Variants in KCNH5 observed in about 807,000 individuals in gnomAD.
The protein encoded by KCNH5 is potassium voltage-gated channel subfamily H member 5.
KCNH5 carries 46 observed loss-of-function variants against 96.1 expected under a neutral mutation model. The ratio of observed to expected loss-of-function variants is 0.48; its 90% CI spans 0.38 to 0.61. The LOEUF (loss-of-function observed/expected upper bound fraction) is 0.61, where lower values mean the gene tolerates loss of function less well. KCNH5 is among the 20% of genes least tolerant of loss of function. KCNH5 has a pLI of 0.00. For missense variants in KCNH5, 907 were observed against 1,225.8 expected (o/e 0.74, Z 3.88); for synonymous variants, 439 against 449.8 (o/e 0.98, Z 0.30).
chr14:62,826,949 AG>A (rs1887239865), intron 8 of KCNH5, among the ~76,000 whole-genome samples: 2 of 152,116 alleles, frequency 1.3e-5, no homozygotes, highest in Admixed American at 1.3e-4. Flanking sequence ...ATAGAAATAT[AG>A]GGGGTGATCA....
intron 1 of KCNH5, among the ~76,000 whole-genome samples, chr14:63,037,133 C>A (rs1286381243): frequency 1.3e-5 from 2 of 152,114 alleles, no homozygotes; most frequent in Non-Finnish European, 2.9e-5. Context: ...CACCGTTCTC[C>A]GTACTTACAT....
chr14:62,987,169 C>T lies in KCNH5; in HGVS notation c.452G>A (p.Arg151Gln), dbSNP rs371757416. Residue 151 changes from arginine to glutamine, a missense_variant, in exon 5 of 11, where the codon CGA becomes CAA. Physicochemically the swap from Arg to Gln is conservative, Grantham distance 43 (BLOSUM62 1). Coordinates refer to ENST00000322893, the MANE Select transcript of KCNH5 (RefSeq NM_139318.5). ...DSTKGWTKFA[R>Q]LTRALTNSRS... is the part of the protein sequence containing the mutation. ...GCTATTTGTCAAAGCCCGTGTCAAT[C>T]GGGCAAATTTCGTCCAACCTTAAAA... 5.0e-6 allele frequency: 8 copies of T among 1,613,196 alleles called. No individual in the cohort carries two copies. Among genetic ancestry groups the T allele is most frequent in the South Asian group, 3.3e-5 (3 of 91,054 alleles).
chr14:62,809,984 A>C (rs1420977657), intron 8 of KCNH5, among the ~76,000 whole-genome samples: 1 of 152,088 alleles, frequency 6.6e-6, no homozygotes, highest in Non-Finnish European at 1.5e-5. Context: ...TAACAAGCCC[A>C]TATCAGCTTA....
intron 1 of KCNH5, 21 bp downstream of exon 1, chr14:63,045,093 C>T: frequency 6.2e-7 from 1 of 1,604,634 alleles, no homozygotes; most frequent in Non-Finnish European, 8.5e-7. Context: ...TGGGGGTGTT[C>T]TGAACTACAA....
chr14:62,917,035 C>T (rs1889288359), intron 7 of KCNH5, among the ~76,000 whole-genome samples: 2 of 152,164 alleles, frequency 1.3e-5, no homozygotes, highest in African/African-American at 4.8e-5. Context: ...GATGATTTCA[C>T]ACCAATGATA....
At chr14:62,759,754 G>A (rs1201874622) in intron 10 of KCNH5, among the ~76,000 whole-genome samples, 1 of 152,116 alleles carries the variant, frequency 6.6e-6, no homozygotes, top group East Asian at 1.9e-4. Context: ...AAGGGAGCAA[G>A]CTGAGTAGAA....
In KCNH5 at chr14:63,008,103, A is replaced by G. The variant is rs565572807; in HGVS notation, c.198-1631T>C. Among the ~76,000 whole-genome samples, 3 of 152,260 alleles carry G rather than the reference A, an allele frequency of 2.0e-5. No individual in the cohort carries two copies. In the East Asian group the frequency reaches 5.8e-4, roughly 29 times the overall value. On this transcript the variant is annotated intron_variant, in intron 2 of 10. Coordinates refer to ENST00000322893, the MANE Select transcript of KCNH5 (RefSeq NM_139318.5). The stretch of plus-strand genomic sequence containing the variant: ...AAAATGTGGCATTACTAAACACCTT[A>G]ACTAAGATTTTGAAAGATCAAAAGT...
At chr14:62,877,716 G>A (rs1888404716) in intron 7 of KCNH5, among the ~76,000 whole-genome samples, 1 of 151,672 alleles carries the variant, frequency 6.6e-6, no homozygotes, top group Admixed American at 6.6e-5. Context: ...AGAGGATGTG[G>A]AGAAATAGGA....
rs369308636 is a variant in KCNH5 at position 62,985,892 on chromosome 14, ATCT to A, written c.549+1177_549+1179del. On this transcript the variant is annotated intron_variant, in intron 5 of 10. Coordinates refer to ENST00000322893, the MANE Select transcript of KCNH5 (RefSeq NM_139318.5). The stretch of plus-strand genomic sequence containing the variant: ...CTGAACTCATGATCATTGTCCTCAA[ATCT>A]TCTTTCCTTCATCTTACATTCGTCA... Among the ~76,000 whole-genome samples, 629 of 152,206 alleles carry A rather than the reference ATCT, an allele frequency of 4.1e-3. 5 individuals carry two copies. Among genetic ancestry groups the A allele is most frequent in the African/African-American group, 0.014 (600 of 41,544 alleles).
chr14:62,914,303 C>G (rs1298399472), intron 7 of KCNH5, among the ~76,000 whole-genome samples: 1 of 152,070 alleles, frequency 6.6e-6, no homozygotes, highest in Non-Finnish European at 1.5e-5. Context: ...CAAAGCCACC[C>G]TTATAAATTG....
At chr14:62,723,797 G>A (rs1050819526) in intron 10 of KCNH5, among the ~76,000 whole-genome samples, 1 of 152,214 alleles carries the variant, frequency 6.6e-6, no homozygotes, top group Non-Finnish European at 1.5e-5. Flanking sequence ...TATCAGAATA[G>A]TGTAGCTATT....
intron 7 of KCNH5, among the ~76,000 whole-genome samples, chr14:62,899,235 TA>T (rs907354314): frequency 1.3e-5 from 2 of 152,014 alleles, no homozygotes; most frequent in Non-Finnish European, 1.5e-5. Context: ...CTTTCTGATT[TA>T]AAAAAATATT....
chr14:62,949,261 C>T (rs911403784), intron 7 of KCNH5, among the ~76,000 whole-genome samples: 1 of 152,160 alleles, frequency 6.6e-6, no homozygotes, highest in Non-Finnish European at 1.5e-5. Context: ...CTAGAAAACC[C>T]CATTGTCTCA....
intron 10 of KCNH5, among the ~76,000 whole-genome samples, chr14:62,761,719 G>A (rs1160671521): frequency 6.6e-6 from 1 of 152,030 alleles, no homozygotes; most frequent in East Asian, 1.9e-4. Flanking sequence ...TTTTATTCTA[G>A]AAGACAGAAG....
chr14:62,969,385 A>G (rs1462189640), intron 6 of KCNH5, among the ~76,000 whole-genome samples: 1 of 152,272 alleles, frequency 6.6e-6, no homozygotes, highest in Non-Finnish European at 1.5e-5. Flanking sequence ...AAGAAAAGCC[A>G]TCATAAAAAT....
intron 9 of KCNH5, among the ~76,000 whole-genome samples, chr14:62,787,556 A>T (rs1228608256): frequency 1.3e-5 from 2 of 152,216 alleles, no homozygotes; most frequent in Non-Finnish European, 2.9e-5. Context: ...TTTTTAATGC[A>T]GATGAAACAG....
intron 7 of KCNH5, among the ~76,000 whole-genome samples, chr14:62,910,688 C>T (rs190463716): frequency 3.1e-4 from 47 of 152,228 alleles, no homozygotes; most frequent in Admixed American, 7.8e-4. Context: ...CAAAATGTTT[C>T]TCCCTCTCTC....
chr14:62,771,450 C>T (rs905488826), intron 10 of KCNH5, among the ~76,000 whole-genome samples: 3 of 152,010 alleles, frequency 2.0e-5, no homozygotes. Context: ...CATGGTGAAA[C>T]CCCGTCTCTA....
At chr14:62,899,178 C>T (rs905251394) in intron 7 of KCNH5, among the ~76,000 whole-genome samples, 8 of 152,110 alleles carry the variant, frequency 5.3e-5, no homozygotes, top group Admixed American at 4.6e-4. Context: ...ACATCATGGT[C>T]ATAAAGCAAG....
Sources: gnomAD v4.1 joint callset for allele counts (sites outside exome capture counted in the v4.1 genomes callset) on GRCh38, gnomAD v4.1.1 for gene constraint, MANE v1.5 for transcripts, NCBI Gene and HGNC (gene_info 2026-07-23, HGNC 2026-07-21) for gene names.